Variants in DOCK5 observed in about 807,000 individuals in gnomAD.
DOCK5 encodes the protein dedicator of cytokinesis protein 5.
Under a neutral mutation model 251.8 loss-of-function variants are expected in DOCK5, and 142 were observed. The ratio of observed to expected loss-of-function variants is 0.56; its 90% CI spans 0.49 to 0.65. The LOEUF (loss-of-function observed/expected upper bound fraction) is 0.65. DOCK5 is among the 30% of genes least tolerant of loss of function. DOCK5 has a pLI of 0.00. For synonymous variants in DOCK5, 842 were observed against 835.5 expected (o/e 1.01, Z -0.13); for missense variants, 2,111 against 2,312.3 (o/e 0.91, Z 1.79).
In DOCK5 at chr8:25,228,304, C is replaced by G. The variant is rs921284960; in HGVS notation, c.44-15370C>G. Among the ~76,000 whole-genome samples, 7 of 152,228 alleles carry G rather than the reference C, an allele frequency of 4.6e-5. No individual in the cohort carries two copies. In the East Asian group the frequency reaches 1.2e-3, roughly 25 times the overall value. On this transcript the variant is annotated intron_variant, in intron 1 of 51. Transcript: ENST00000276440. ...GGCAATTTTATCAGTAACTGTCTAA[C>G]TTAATACCCATACATGATGCAGGAT...
chr8:25,317,861 T>C (rs1354941796), intron 14 of DOCK5, among the ~76,000 whole-genome samples: 1 of 152,132 alleles, frequency 6.6e-6, no homozygotes, highest in Admixed American at 6.5e-5. Context: ...TCCACCTACC[T>C]TGGCCTCCCA....
chr8:25,366,591 C>A lies in DOCK5; in HGVS notation c.3124-279C>A, dbSNP rs114114788. On this transcript the variant is annotated intron_variant, in intron 30 of 51. Transcript: ENST00000276440. ...CTTTTAGGACTTTTGAAACATAGTG[C>A]CAAAGTACATACTATAAATAGATAC... Among the ~76,000 whole-genome samples, 826 of 152,164 alleles carry A rather than the reference C, an allele frequency of 5.4e-3. 11 individuals carry two copies. The highest frequency in any genetic ancestry group is 0.019 in the African/African-American group (791 of 41,506).
chr8:25,292,165 G>C lies in DOCK5; in HGVS notation c.463G>C (p.Gly155Arg). 1 of 1,575,724 alleles carries C rather than the reference G, an allele frequency of 6.3e-7. No individual in the cohort carries two copies. Among genetic ancestry groups the C allele is most frequent in the Non-Finnish European group, 8.6e-7 (1 of 1,162,256 alleles). The change falls in exon 6 of 52, where the codon GGG becomes CGG. Residue 155 changes from glycine (G) to arginine (R), a missense_variant. Transcript: ENST00000276440. ...KKKVTAKIDH[G>R]NRMLGLDLVV... ...GAAAGTCACAGCCAAAATTGATCAT[G>C]GGAACAGGTAGGTAAACCAGGGATG...
intron 35 of DOCK5, among the ~76,000 whole-genome samples, chr8:25,373,351 C>T (rs531504994): frequency 8.5e-5 from 13 of 152,220 alleles, no homozygotes; most frequent in African/African-American, 2.9e-4. Flanking sequence ...ACCCGTCACC[C>T]GAGCACTGTA....
In DOCK5 at chr8:25,410,318, G is replaced by A. The variant is rs1308208938; in HGVS notation, c.5508+116G>A. 7.5e-6 allele frequency: 6 copies of A among 804,312 alleles called. No homozygotes were observed. The East Asian group carries it at 1.3e-4, about 18-fold the overall frequency. 49.8% of individuals were successfully genotyped at this position (804,312 alleles called of 1,614,324 possible). On this transcript the variant is annotated intron_variant, in intron 51 of 51. Coordinates refer to ENST00000276440, the MANE Select transcript of DOCK5 (RefSeq NM_024940.8). The stretch of plus-strand genomic sequence containing the variant: ...TGCTCATAGACCTGTCACTGCAGTC[G>A]ATTCTTGGCTCATTCCTGAAACCAC...
At position 25,295,842 on chromosome 8, in the gene DOCK5, C is replaced by T. The variant is rs77214761; in HGVS notation, c.471-671C>T. Among the ~76,000 whole-genome samples the T allele has an allele frequency of 2.3e-4, 35 of 152,248 alleles. No homozygotes were observed. In the East Asian group the frequency reaches 5.8e-3, roughly 25 times the overall value. ...TTATTTATTTATTTATTGTTTCAGA[C>T]AGGGTCTTGCTTTCTCATGCAGGCT... On this transcript the variant is annotated intron_variant, in intron 6 of 51. Coordinates refer to ENST00000276440, the MANE Select transcript of DOCK5 (RefSeq NM_024940.8).
chr8:25,245,678 T>A (rs1803083797), intron 2 of DOCK5, among the ~76,000 whole-genome samples: 1 of 152,046 alleles, frequency 6.6e-6, no homozygotes, highest in African/African-American at 2.4e-5. Flanking sequence ...TAGCTGAGAT[T>A]ACAGGCATAT....
chr8:25,204,597 C>T (rs983314482), intron 1 of DOCK5, among the ~76,000 whole-genome samples: 1 of 152,188 alleles, frequency 6.6e-6, no homozygotes, highest in Non-Finnish European at 1.5e-5. Flanking sequence ...TGCCTGAAGA[C>T]TTACTGAGGA....
At chr8:25,218,759 T>C (rs1015161719) in intron 1 of DOCK5, among the ~76,000 whole-genome samples, 1 of 152,140 alleles carries the variant, frequency 6.6e-6, no homozygotes, top group Non-Finnish European at 1.5e-5. Flanking sequence ...GTGGCAGTGC[T>C]GTGGCTCTTC....
At chr8:25,377,898 T>G (rs1396274499) in intron 38 of DOCK5, among the ~76,000 whole-genome samples, 1 of 143,752 alleles carries the variant, frequency 7.0e-6, no homozygotes, top group Non-Finnish European at 1.5e-5. Context: ...TACAGAGTTT[T>G]TATTGGGGTT....
chr8:25,377,250 T>C (rs1800978729), intron 37 of DOCK5, 55 bp from the exon 38 acceptor site: 3 of 1,551,566 alleles, frequency 1.9e-6, no homozygotes, highest in Admixed American at 2.1e-5. Context: ...TTTCTTGATG[T>C]TGGGGGGCTG....
chr8:25,310,174 T>C (rs1805051266), intron 12 of DOCK5, among the ~76,000 whole-genome samples: 1 of 152,094 alleles, frequency 6.6e-6, no homozygotes, highest in East Asian at 1.9e-4. Context: ...GGGTCTATCT[T>C]TACCCCTTTT....
chr8:25,196,967 G>A (rs1196577297), intron 1 of DOCK5, among the ~76,000 whole-genome samples: 2 of 152,138 alleles, frequency 1.3e-5, no homozygotes, highest in Admixed American at 1.3e-4. Flanking sequence ...AGGAGGCTGA[G>A]GCTGGAGGAT....
At chr8:25,282,280 C>T (rs1267552623) in intron 5 of DOCK5, among the ~76,000 whole-genome samples, 1 of 151,560 alleles carries the variant, frequency 6.6e-6, no homozygotes, top group Non-Finnish European at 1.5e-5. Context: ...TAACTTGAGG[C>T]AGAACTTCTG....
chr8:25,389,295 C>T, intron 41 of DOCK5, 63 bp downstream of exon 41: 1 of 1,571,344 alleles, frequency 6.4e-7, no homozygotes, highest in East Asian at 2.3e-5. Flanking sequence ...CCCAGCTAAG[C>T]CAGAGAACAT....
rs1269209246 is a variant in DOCK5 at position 25,368,709 on chromosome 8, A to T, written c.3422A>T (p.Asn1141Ile). 2 of 1,613,072 alleles carry T rather than the reference A, an allele frequency of 1.2e-6. No individual in the cohort carries two copies. The highest frequency in any genetic ancestry group is 1.7e-6 in the Non-Finnish European group (2 of 1,179,660). The change falls in exon 33 of 52, where the codon AAT becomes ATT. Residue 1141 changes from asparagine (N) to isoleucine (I), a missense_variant. Transcript: ENST00000276440. ...CAGTGTGAGTTCAATTTCAGTGGAA[A>T]TGGCAATTTCCATATGGTAAGAAGT... is the stretch of plus-strand genomic sequence containing the variant. Reference protein sequence around the residue: ...MMQCEFNFSGNGNFHMFENEL... With the variant: ...MMQCEFNFSGIGNFHMFENEL...
Position 25,373,671 on chromosome 8 carries a change from A to G in DOCK5, c.3725+13A>G, listed in dbSNP as rs1800914634. 1.3e-6 allele frequency: 2 copies of G among 1,584,996 alleles called. No individual in the cohort carries two copies. Among genetic ancestry groups the G allele is most frequent in the African/African-American group, 2.7e-5 (2 of 74,160 alleles). ...ACATATACATAAGGTAAGCTGAAGG[A>G]AATTTCTTGCTTCTGCTGTTTATTT... On this transcript the variant is annotated intron_variant, in intron 36 of 51. Transcript: ENST00000276440.
chr8:25,189,206 G>C (rs191935987), intron 1 of DOCK5, among the ~76,000 whole-genome samples: 36 of 151,810 alleles, frequency 2.4e-4, no homozygotes, highest in Admixed American at 2.4e-3. Context: ...GATTTTTTAA[G>C]TTTTAAAATA....
intron 1 of DOCK5, among the ~76,000 whole-genome samples, chr8:25,186,797 G>T (rs1441875635): frequency 6.6e-6 from 1 of 152,148 alleles, no homozygotes; most frequent in Non-Finnish European, 1.5e-5. Flanking sequence ...ATGCAAACAT[G>T]TTTCAAAAAT....
Sources: gnomAD v4.1 joint callset for allele counts (sites outside exome capture counted in the v4.1 genomes callset) on GRCh38, gnomAD v4.1.1 for gene constraint, MANE v1.5 for transcripts, NCBI Gene and HGNC (gene_info 2026-07-23, HGNC 2026-07-21) for gene names.